The following TTLL9 variants were observed in gnomAD, a reference collection of about 807,000 sequenced individuals.
TTLL9 encodes the protein tubulin tyrosine ligase like 9, also known as probable tubulin polyglutamylase TTLL9.
Under a neutral mutation model 65.6 loss-of-function variants are expected in TTLL9, and 47 were observed. That is an observed-to-expected ratio of 0.72 (90% CI 0.57 to 0.91). The LOEUF (loss-of-function observed/expected upper bound fraction) is 0.91, where lower values mean the gene tolerates loss of function less well. TTLL9 is among the 40% of genes least tolerant of loss of function. The pLI, the probability that TTLL9 is intolerant of heterozygous loss-of-function variation, is 0.00. For synonymous variants in TTLL9, 179 were observed against 204.8 expected (o/e 0.87, Z 1.07); for missense variants, 537 against 568.8 (o/e 0.94, Z 0.57).
chr20:31,924,928 C>T, intron 8 of TTLL9, 81 bp from the exon 9 acceptor site: 1 of 1,493,674 alleles, frequency 6.7e-7, no homozygotes, highest in South Asian at 1.2e-5. Context: ...CCTGTCTGTC[C>T]ACTGCTATTT....
At chr20:31,890,138 C>T (rs200254293) in intron 3 of TTLL9, among the ~76,000 whole-genome samples, 7 of 34,984 alleles carry the variant, frequency 2.0e-4, no homozygotes, top group African/African-American at 8.3e-4. Flanking sequence ...TCCTTCCTTC[C>T]TTCCTTCCTT....
In TTLL9 at chr20:31,879,859, A is replaced by C. The variant is rs747381916; in HGVS notation, c.70-7337A>C. 24 of 1,550,176 alleles carry C rather than the reference A, an allele frequency of 1.5e-5. No individual in the cohort carries two copies. In the South Asian group the frequency reaches 2.6e-4, roughly 17 times the overall value. On this transcript the variant is annotated intron_variant, in intron 2 of 14. Coordinates refer to ENST00000535842, the MANE Select transcript of TTLL9 (RefSeq NM_001008409.5). Reference sequence around the variant, plus strand: ...CGCGAGGCGCGCGGTGGCGGTTTGGATCTGGCCCCTGGGGAATCGCGTTAT... The same window carrying C: ...CGCGAGGCGCGCGGTGGCGGTTTGGCTCTGGCCCCTGGGGAATCGCGTTAT...
At position 31,937,482 on chromosome 20, in the gene TTLL9, C is replaced by A. The variant is rs538754070; in HGVS notation, c.1091C>A (p.Thr364Asn). 5.8e-5 allele frequency: 93 copies of A among 1,613,750 alleles called. No homozygotes were observed. The highest frequency in any genetic ancestry group is 7.7e-5 in the Non-Finnish European group (91 of 1,179,790). Reference protein sequence around the residue: ...YELKTCLLEDTLHVVDMEARL... With the variant: ...YELKTCLLEDNLHVVDMEARL... ...CTCAAGACCTGCCTCCTGGAAGACA[C>A]CCTGCATGTTGTGGACATGGAAGCG... The change falls in exon 13 of 15, where the codon ACC (threonine) becomes AAC (asparagine). Residue 364 changes from threonine (T) to asparagine (N), a missense_variant. Around this residue, in one of 3 missense-constraint regions of TTLL9, gnomAD observed 205 missense variants for 225.9 expected, o/e 0.91. Transcript: ENST00000535842.
At chr20:31,935,022 T>A in intron 12 of TTLL9, 134 bp downstream of exon 12, 1 of 831,470 alleles carries the variant, frequency 1.2e-6, no homozygotes, top group East Asian at 2.6e-5. Flanking sequence ...TGTGCCTCAA[T>A]TTGCCCATTT....
At chr20:31,877,412 C>T (rs1479711558) in intron 2 of TTLL9, among the ~76,000 whole-genome samples, 1 of 152,134 alleles carries the variant, frequency 6.6e-6, no homozygotes, top group African/African-American at 2.4e-5. Flanking sequence ...AGATTACAGG[C>T]GTGAGCCACC....
chr20:31,935,933 T>C (rs1421655060), intron 12 of TTLL9, among the ~76,000 whole-genome samples: 1 of 152,202 alleles, frequency 6.6e-6, no homozygotes, highest in Non-Finnish European at 1.5e-5. Context: ...GGGCAAAAAT[T>C]CTGCAGGTCC....
In TTLL9 at chr20:31,919,663, C is replaced by G. The variant is rs111551479; in HGVS notation, c.505-201C>G. Among the ~76,000 whole-genome samples, 47 of 152,294 alleles carry G rather than the reference C, an allele frequency of 3.1e-4. 2 individuals carry two copies. The highest frequency in any genetic ancestry group is 1.1e-3 in the African/African-American group (45 of 41,560). ...TCTTTGTGAGCTAAGTCAGTCTCCC[C>G]CTTCCCCTCCCTTCCCTCTCTCCCT... On this transcript the variant is annotated intron_variant, in intron 6 of 14. Coordinates refer to ENST00000535842, the MANE Select transcript of TTLL9 (RefSeq NM_001008409.5).
In TTLL9 at chr20:31,938,768, C is replaced by T. The variant is rs554341458; in HGVS notation, c.1119-374C>T. 1.1e-4 allele frequency among the ~76,000 whole-genome samples: 16 copies of T among 152,282 alleles called. No homozygotes were observed. The South Asian group carries it at 3.3e-3, about 32-fold the overall frequency. On this transcript the variant is annotated intron_variant, in intron 13 of 14. Transcript: ENST00000535842. ...TGGTGTGCGCCTGTAGTCCCAGCTA[C>T]TCAAGAGGCTGAGTGAGGAGAATCA...
intron 10 of TTLL9, 152 bp downstream of exon 10, chr20:31,926,243 A>G: frequency 1.5e-6 from 1 of 648,718 alleles, no homozygotes; most frequent in Non-Finnish European, 2.8e-6. Context: ...ACATTTACTT[A>G]TATTCCTAGG....
At chr20:31,923,095 C>A in intron 8 of TTLL9, 42 bp downstream of exon 8, 2 of 1,471,126 alleles carry the variant, frequency 1.4e-6, no homozygotes, top group Non-Finnish European at 1.9e-6. Flanking sequence ...ATTGCATGGT[C>A]ATCAAACAGT....
intron 10 of TTLL9, among the ~76,000 whole-genome samples, chr20:31,928,500 A>G (rs985595219): frequency 6.0e-5 from 9 of 150,744 alleles, no homozygotes; most frequent in African/African-American, 1.9e-4. Flanking sequence ...ACTTCATTAT[A>G]TATAATATAT....
chr20:31,917,452 G>A (rs763895981), intron 6 of TTLL9, among the ~76,000 whole-genome samples: 25 of 152,152 alleles, frequency 1.6e-4, no homozygotes, highest in Admixed American at 2.6e-4. Flanking sequence ...GGAGTCTCAG[G>A]GTGGAGCTAT....
chr20:31,940,020 G>A (rs1477555401), intron 14 of TTLL9: 1 of 152,032 alleles, frequency 6.6e-6, no homozygotes, highest in Non-Finnish European at 1.5e-5. Context: ...TGGCACAATT[G>A]CATTTTATTT....
chr20:31,873,996 G>C (rs2063004105), intron 2 of TTLL9, among the ~76,000 whole-genome samples: 1 of 152,222 alleles, frequency 6.6e-6, no homozygotes. Context: ...TTTACCCATA[G>C]AGGGGCAATT....
At chr20:31,916,571 G>A (rs1284548603) in intron 6 of TTLL9, among the ~76,000 whole-genome samples, 1 of 152,192 alleles carries the variant, frequency 6.6e-6, no homozygotes, top group Non-Finnish European at 1.5e-5. Flanking sequence ...AGAACAAGAA[G>A]GCTGAGGGTA....
At chr20:31,874,192 A>G (rs2063006303) in intron 2 of TTLL9, among the ~76,000 whole-genome samples, 1 of 152,224 alleles carries the variant, frequency 6.6e-6, no homozygotes, top group Non-Finnish European at 1.5e-5. Flanking sequence ...TCATGAAATG[A>G]CCATTTTACA....
rs2064253810 is a variant in TTLL9, at chr20:31,943,373, G to A, written c.*352G>A. The stretch of plus-strand genomic sequence containing the variant: ...CACAGGCCCTACTTGGAGTCACTGG[G>A]CACCAGGCCTGGTTCCGGGGATACT... On this transcript the variant is annotated 3_prime_UTR_variant, in exon 15 of 15. Coordinates refer to ENST00000535842, the MANE Select transcript of TTLL9 (RefSeq NM_001008409.5). 3 of 349,692 alleles carry A rather than the reference G, an allele frequency of 8.6e-6. No individual in the cohort carries two copies. The highest frequency in any genetic ancestry group is 1.6e-5 in the Non-Finnish European group (3 of 181,936). 21.7% of individuals were successfully genotyped at this position (349,692 alleles called of 1,614,324 possible).
Position 31,871,107 on chromosome 20 carries a change from C to T in TTLL9, c.-5-15C>T, listed in dbSNP as rs1427250703. 6.2e-7 allele frequency: 1 copy of T among 1,613,280 alleles called. No homozygotes were observed. The highest frequency in any genetic ancestry group is 2.2e-5 in the East Asian group (1 of 44,864). The stretch of plus-strand genomic sequence containing the variant: ...CATCCTCTCACTCCTTCCTTCCATC[C>T]ATTTCGGCCCCTAGGAGGGATGGTG... On this transcript the variant is annotated splice_polypyrimidine_tract_variant and intron_variant, in intron 1 of 14. Coordinates refer to ENST00000535842, the MANE Select transcript of TTLL9 (RefSeq NM_001008409.5).
Position 31,943,453 on chromosome 20 carries a change from T to G in TTLL9, c.*432T>G. 3.1e-6 allele frequency: 1 copy of G among 327,824 alleles called. No homozygotes were observed. Among genetic ancestry groups the G allele is most frequent in the Non-Finnish European group, 6.0e-6 (1 of 165,802 alleles). The allele number at this position is 327,824 out of a possible 1,614,324, so 20.3% of individuals were successfully genotyped here. ...GACACTTGGATACCTCCCAAGTCAG[T>G]GCTGAAAAGGTCCTTCAGGAGCAAG... On this transcript the variant is annotated 3_prime_UTR_variant, in exon 15 of 15. Transcript: ENST00000535842.
Sources: gnomAD v4.1 joint callset for allele counts (sites outside exome capture counted in the v4.1 genomes callset) on GRCh38, gnomAD v4.1.1 for gene constraint, gnomAD v4.1.1 regional missense constraint, MANE v1.5 for transcripts, NCBI Gene and HGNC (gene_info 2026-07-23, HGNC 2026-07-21) for gene names.